Variants in EGFR observed in about 807,000 individuals in gnomAD.
EGFR encodes avian erythroblastic leukemia viral (v-erb-b) oncogene homolog.
A neutral mutation model predicts 143.0 loss-of-function variants in EGFR; 58 were observed. That is an observed-to-expected ratio of 0.41 (90% CI 0.33 to 0.50). The LOEUF is 0.50. Ranked by LOEUF, EGFR falls within the 20% of genes least tolerant of loss-of-function variation. EGFR has a pLI of 0.39. For missense variants in EGFR, 1,307 were observed against 1,579.0 expected, an observed-to-expected ratio of 0.83 and a Z score of 2.92; for synonymous variants, 613 against 594.4, an observed-to-expected ratio of 1.03 and a Z score of -0.45.
intron 1 of EGFR, among the ~76,000 whole-genome samples, chr7:55,103,138 C>T (rs557501226): frequency 7.2e-5 from 11 of 152,266 alleles, no homozygotes; most frequent in Admixed American, 5.2e-4. Flanking sequence ...GTATTTTCTT[C>T]CTCAGGAGGG....
chr7:55,019,301 G>A lies in EGFR; in HGVS notation c.24G>A (p.Gly8=), dbSNP rs2128853364. Residue 8 remains glycine, a synonymous_variant, in exon 1 of 28, where the codon GGG becomes GGA. Coordinates refer to ENST00000275493, the MANE Select transcript of EGFR (RefSeq NM_005228.5). ...CGATGCGACCCTCCGGGACGGCCGG[G>A]GCAGCGCTCCTGGCGCTGCTGGCTG... MRPSGTA[G]AALLALLAAL... 2 of 1,516,058 alleles carry A rather than the reference G, an allele frequency of 1.3e-6. No homozygotes were observed. Among genetic ancestry groups the A allele is most frequent in the Non-Finnish European group, 1.8e-6 (2 of 1,127,792 alleles). 93.9% of individuals were successfully genotyped at this position (1,516,058 alleles called of 1,614,324 possible).
intron 1 of EGFR, among the ~76,000 whole-genome samples, chr7:55,049,182 A>G (rs1189837247): frequency 6.6e-6 from 1 of 152,242 alleles, no homozygotes; most frequent in Non-Finnish European, 1.5e-5. Flanking sequence ...CATCCAAATT[A>G]TAAATTATAA....
intron 22 of EGFR, among the ~76,000 whole-genome samples, chr7:55,193,135 T>C (rs893040881): frequency 6.6e-6 from 1 of 152,124 alleles, no homozygotes; most frequent in East Asian, 1.9e-4. Flanking sequence ...AACCAAACTT[T>C]AACGTTAACC....
chr7:55,082,989 G>A (rs970271980), intron 1 of EGFR, among the ~76,000 whole-genome samples: 11 of 152,178 alleles, frequency 7.2e-5, no homozygotes, highest in African/African-American at 2.7e-4. Flanking sequence ...CTGCATGTCT[G>A]TCTCTGTGCC....
At chr7:55,058,173 A>G (rs1417657278) in intron 1 of EGFR, among the ~76,000 whole-genome samples, 1 of 152,240 alleles carries the variant, frequency 6.6e-6, no homozygotes, top group East Asian at 1.9e-4. Context: ...AGGCGGGTGG[A>G]TCACGAGGTC....
chr7:55,186,593 T>C (rs546695563), intron 20 of EGFR, among the ~76,000 whole-genome samples: 1 of 152,244 alleles, frequency 6.6e-6, no homozygotes, highest in African/African-American at 2.4e-5. Context: ...CCACAAAGGG[T>C]CGCAGCTAAA....
chr7:55,021,039 A>T (rs561015649), intron 1 of EGFR, among the ~76,000 whole-genome samples: 3 of 152,290 alleles, frequency 2.0e-5, no homozygotes, highest in Non-Finnish European at 4.4e-5. Context: ...ACTAGACGGA[A>T]GAAGGATTGT....
intron 15 of EGFR, chr7:55,170,784 C>T (rs373533282): frequency 1.5e-5 from 21 of 1,435,034 alleles, no homozygotes; most frequent in Non-Finnish European, 1.9e-5. Flanking sequence ...ATGCTGCCAG[C>T]CTTCTCCGTA....
Position 55,205,939 on chromosome 7 carries a change from G to T in EGFR, c.*322G>T. On this transcript the variant is annotated 3_prime_UTR_variant, in exon 28 of 28. Coordinates refer to ENST00000275493, the MANE Select transcript of EGFR (RefSeq NM_005228.5). Reference sequence around the variant, plus strand: ...ATATGTGAGGATTTTTATTGATTGGGGATCTTGGAGTTTTTCATTGTCGCT... The same window carrying T: ...ATATGTGAGGATTTTTATTGATTGGTGATCTTGGAGTTTTTCATTGTCGCT... 9.4e-6 allele frequency: 4 copies of T among 424,956 alleles called. No homozygotes were observed. The highest frequency in any genetic ancestry group is 2.7e-5 in the South Asian group (1 of 37,670). 26.3% of individuals were successfully genotyped at this position (424,956 alleles called of 1,614,324 possible). A position where few individuals can be genotyped will look rare whatever the true frequency, so the allele number is the denominator to read the frequency against.
chr7:55,160,728 C>T (rs1300766240), intron 12 of EGFR, among the ~76,000 whole-genome samples: 1 of 152,218 alleles, frequency 6.6e-6, no homozygotes, highest in Non-Finnish European at 1.5e-5. Flanking sequence ...TGTTCTGGCT[C>T]TAGAGCCTCA....
intron 1 of EGFR, among the ~76,000 whole-genome samples, chr7:55,022,460 G>C (rs1365110127): frequency 1.3e-5 from 2 of 152,208 alleles, no homozygotes; most frequent in African/African-American, 4.8e-5. Flanking sequence ...AGCCCGGCCT[G>C]GCAATTGGGA....
rs771471723 is a variant in EGFR, at chr7:55,202,563, G to C, written c.3209G>C (p.Ser1070Thr). 1.9e-6 allele frequency: 3 copies of C among 1,613,210 alleles called. No homozygotes were observed. Among genetic ancestry groups the C allele is most frequent in the South Asian group, 2.2e-5 (2 of 90,852 alleles). Residue 1070 changes from serine (S) to threonine (T), a missense_variant, in exon 27 of 28, where the codon AGC (serine) becomes ACC (threonine). Around this residue, in one of 7 missense-constraint regions of EGFR, gnomAD observed 313 missense variants for 312.3 expected, o/e 1.00. Transcript: ENST00000275493. Reference protein sequence around the residue: ...IKEDSFLQRYSSDPTGALTED... With the variant: ...IKEDSFLQRYTSDPTGALTED... The stretch of plus-strand genomic sequence containing the variant: ...GAAGACAGCTTCTTGCAGCGATACA[G>C]CTCAGACCCCACAGGCGCCTTGACT...
At chr7:55,130,515 G>A (rs73696548) in intron 1 of EGFR, among the ~76,000 whole-genome samples, 4,860 of 152,100 alleles carry the variant, frequency 0.032, 274 homozygotes, top group African/African-American at 0.11. Context: ...CTTCACGCCC[G>A]CCCCCGGGAC....
chr7:55,173,856 G>A (rs2128953374), intron 17 of EGFR, 65 bp from the exon 18 acceptor site: 1 of 1,613,562 alleles, frequency 6.2e-7, no homozygotes, highest in Non-Finnish European at 8.5e-7. Context: ...GGCCATGTCT[G>A]GCACTGCTTT....
At chr7:55,115,575 C>G (rs936629037) in intron 1 of EGFR, among the ~76,000 whole-genome samples, 7 of 152,196 alleles carry the variant, frequency 4.6e-5, no homozygotes, top group Non-Finnish European at 1.5e-5. Flanking sequence ...TCGCAGTTCT[C>G]TGAATCTCAA....
chr7:55,152,721 C>A, intron 6 of EGFR, 57 bp downstream of exon 6: 1 of 1,462,206 alleles, frequency 6.8e-7, no homozygotes, highest in Non-Finnish European at 9.6e-7. Context: ...CCCGCCCCAC[C>A]CACACCAGGA....
chr7:55,143,297 CTTCTT>C lies in EGFR; in HGVS notation c.241-7_241-3del. On this transcript the variant is annotated splice_region_variant and splice_polypyrimidine_tract_variant and intron_variant, in intron 2 of 27. Transcript: ENST00000275493. ...GAGAAATCACGCATTTATGTTTTCT[CTTCTT>C]AGACCATCCAGGAGGTGGCTGGTTA... The C allele has an allele frequency of 6.2e-7, 1 of 1,614,156 alleles. No homozygotes were observed. Among genetic ancestry groups the C allele is most frequent in the Non-Finnish European group, 8.5e-7 (1 of 1,180,038 alleles).
rs1584267099 is a variant in EGFR at position 55,198,571 on chromosome 7, C to T, written c.2702-146C>T. Reference sequence around the variant, plus strand: ...TTTATAGAGAGGTAGACTGAGGCTTCCAGCATTGAAGCAAATTGCCCAAGA... The same window carrying T: ...TTTATAGAGAGGTAGACTGAGGCTTTCAGCATTGAAGCAAATTGCCCAAGA... On this transcript the variant is annotated intron_variant, in intron 22 of 27. Transcript: ENST00000275493. The T allele has an allele frequency of 3.3e-6, 4 of 1,227,772 alleles. No individual in the cohort carries two copies. In the East Asian group the frequency reaches 9.4e-5, roughly 29 times the overall value. The allele number at this position is 1,227,772 out of a possible 1,614,324, so 76.1% of individuals were successfully genotyped here. A position where few individuals can be genotyped will look rare whatever the true frequency, so the allele number is the denominator to read the frequency against.
chr7:55,161,398 G>A (rs2128942402), intron 12 of EGFR, 101 bp from the exon 13 acceptor site: 2 of 1,470,420 alleles, frequency 1.4e-6, no homozygotes, highest in Non-Finnish European at 1.8e-6. Context: ...TGTCACCCAA[G>A]GTCATGGAGC....
Sources: allele counts gnomAD v4.1 joint callset (sites outside exome capture counted in the v4.1 genomes callset), GRCh38; gene constraint gnomAD v4.1.1; regional missense constraint gnomAD v4.1.1; transcripts MANE v1.5; gene names NCBI Gene and HGNC (gene_info 2026-07-23, HGNC 2026-07-21).